ABCB5: variants seen among roughly 807,000 people sequenced by gnomAD.
ABCB5 encodes the protein ATP-binding cassette sub-family B member 5.
Under a neutral mutation model 144.2 loss-of-function variants are expected in ABCB5, and 155 were observed. The observed-to-expected ratio is 1.08, with a 90% CI of 0.94 to 1.23. The LOEUF is 1.23. Ranked by LOEUF, ABCB5 falls within the 50% of genes most tolerant of loss-of-function variation. The probability of loss-of-function intolerance (pLI) is 0.00; values close to 1 mark genes in which losing one functional copy is unlikely to be tolerated. For missense variants in ABCB5, 1,830 were observed against 1,520.8 expected, an observed-to-expected ratio of 1.20 and a Z score of -3.38; for synonymous variants, 610 against 528.6, an observed-to-expected ratio of 1.15 and a Z score of -2.11.
intron 14 of ABCB5, among the ~76,000 whole-genome samples, chr7:20,663,303 A>T (rs1302627337): frequency 6.6e-6 from 1 of 152,250 alleles, no homozygotes; most frequent in African/African-American, 2.4e-5. Flanking sequence ...TAGTGTTCAT[A>T]GTAGCATCAT....
intron 5 of ABCB5, among the ~76,000 whole-genome samples, chr7:20,633,069 C>CA (rs1234362312): frequency 7.4e-6 from 1 of 135,426 alleles, no homozygotes; most frequent in African/African-American, 3.1e-5. Flanking sequence ...CATTAAAAAT[C>CA]AACAAATAGT....
In ABCB5 at chr7:20,632,097, AATG is replaced by A. The variant is rs774378024; in HGVS notation, c.300_302del (p.Asn100_Glu101delinsLys). ...CTGTACTCAGTCTCAAGAGAAGCTG[AATG>A]AAGATATGACTCTGTAAGTCCAAAT... On this transcript the variant is annotated inframe_deletion, in exon 5 of 28. Coordinates refer to ENST00000404938, the MANE Select transcript of ABCB5 (RefSeq NM_001163941.2). The A allele has an allele frequency of 1.3e-5, 20 of 1,528,846 alleles. No homozygotes were observed. The South Asian group carries it at 2.5e-4, about 19-fold the overall frequency. The allele number at this position is 1,528,846 out of a possible 1,614,324, so 94.7% of individuals were successfully genotyped here. A position where few individuals can be genotyped will look rare whatever the true frequency, so the allele number is the denominator to read the frequency against.
chr7:20,647,112 T>C (rs1330449113), intron 9 of ABCB5, among the ~76,000 whole-genome samples: 2 of 152,202 alleles, frequency 1.3e-5, no homozygotes, highest in Non-Finnish European at 2.9e-5. Context: ...AACAGTACAA[T>C]GTCTCTGAGC....
chr7:20,717,367 T>A (rs1328463043), intron 20 of ABCB5, among the ~76,000 whole-genome samples: 2 of 152,004 alleles, frequency 1.3e-5, no homozygotes, highest in Non-Finnish European at 2.9e-5. Flanking sequence ...TGGCTTGTAG[T>A]TGGCTGTCTT....
At chr7:20,733,637 TTTTC>T (rs1254912865) in intron 23 of ABCB5, among the ~76,000 whole-genome samples, 30 of 151,028 alleles carry the variant, frequency 2.0e-4, no homozygotes, top group Non-Finnish European at 1.2e-4. Flanking sequence ...TTTTCTTTTC[TTTTC>T]TTTTTTTTTT....
intron 3 of ABCB5, 23 bp downstream of exon 3, chr7:20,626,634 T>C: frequency 6.3e-7 from 1 of 1,583,684 alleles, no homozygotes; most frequent in South Asian, 1.2e-5. Flanking sequence ...AGTTAGAAAG[T>C]ACATGCATTA....
At chr7:20,673,535 T>G (rs577542165) in intron 14 of ABCB5, among the ~76,000 whole-genome samples, 1 of 152,028 alleles carries the variant, frequency 6.6e-6, no homozygotes, top group African/African-American at 2.4e-5. Context: ...TTTGGTTATA[T>G]CCTTTTCACT....
intron 13 of ABCB5, among the ~76,000 whole-genome samples, chr7:20,654,161 G>A (rs1358753139): frequency 1.3e-5 from 2 of 151,896 alleles, no homozygotes; most frequent in Admixed American, 1.3e-4. Flanking sequence ...TTGCCTACTA[G>A]AGACAAAAAT....
chr7:20,707,251 A>C (rs1393558251), intron 20 of ABCB5, among the ~76,000 whole-genome samples: 1 of 152,176 alleles, frequency 6.6e-6, no homozygotes, highest in Admixed American at 6.5e-5. Context: ...GAAACCTTTA[A>C]CTCATGACTG....
chr7:20,647,954 T>C lies in ABCB5; in HGVS notation c.1096-14T>C, dbSNP rs1460190473. The C allele has an allele frequency of 6.7e-7, 1 of 1,488,966 alleles. No homozygotes were observed. Among genetic ancestry groups the C allele is most frequent in the Admixed American group, 1.7e-5 (1 of 59,112 alleles). 92.2% of individuals were successfully genotyped at this position (1,488,966 alleles called of 1,614,324 possible). On this transcript the variant is annotated splice_polypyrimidine_tract_variant and intron_variant, in intron 10 of 27. Coordinates refer to ENST00000404938, the MANE Select transcript of ABCB5 (RefSeq NM_001163941.2). Reference sequence around the variant, plus strand: ...TCCTTTGAAGATTTATAACATTTCCTTTGTTTTTCCAAGAAACCCAGTATA... The same window carrying C: ...TCCTTTGAAGATTTATAACATTTCCCTTGTTTTTCCAAGAAACCCAGTATA...
chr7:20,745,206 A>G, intron 25 of ABCB5, 26 bp from the exon 26 acceptor site: 1 of 1,610,448 alleles, frequency 6.2e-7, no homozygotes, highest in South Asian at 1.1e-5. Context: ...ATCTTAACAC[A>G]CCATTCTCCA....
At chr7:20,711,641 A>G (rs1298934301) in intron 20 of ABCB5, among the ~76,000 whole-genome samples, 1 of 147,988 alleles carries the variant, frequency 6.8e-6, no homozygotes, top group Non-Finnish European at 1.5e-5. Flanking sequence ...GTTTGTAGAT[A>G]CAGGGTTTCA....
In ABCB5 at chr7:20,643,620, A is replaced by G. The variant is rs1784343045; in HGVS notation, c.666A>G (p.Ala222=). 1.9e-6 allele frequency: 3 copies of G among 1,613,800 alleles called. No homozygotes were observed. Among genetic ancestry groups the G allele is most frequent in the East Asian group, 4.5e-5 (2 of 44,892 alleles). Residue 222 remains alanine (A), a synonymous_variant, in exon 7 of 28, where the codon GCA becomes GCG. Coordinates refer to ENST00000404938, the MANE Select transcript of ABCB5 (RefSeq NM_001163941.2). ...STSPLIMASA[A]ACSRMVISLT... ...CTCCTCTTATAATGGCTTCAGCGGCAGCATGTTCTAGGGTAAGTGAGATGG... is the reference window on the plus strand; with the variant it reads ...CTCCTCTTATAATGGCTTCAGCGGCGGCATGTTCTAGGGTAAGTGAGATGG...
intron 23 of ABCB5, among the ~76,000 whole-genome samples, chr7:20,733,280 C>T (rs1168085760): frequency 6.6e-6 from 1 of 151,968 alleles, no homozygotes; most frequent in African/African-American, 2.4e-5. Context: ...CTTAGTTTTT[C>T]AAACATTCGA....
intron 26 of ABCB5, among the ~76,000 whole-genome samples, chr7:20,749,836 G>A (rs1383578256): frequency 6.6e-6 from 1 of 152,130 alleles, no homozygotes; most frequent in African/African-American, 2.4e-5. Context: ...AGTAGTCAAG[G>A]CTTTAAAAGG....
intron 21 of ABCB5, among the ~76,000 whole-genome samples, chr7:20,725,679 A>G (rs1343203344): frequency 3.9e-5 from 6 of 152,190 alleles, no homozygotes; most frequent in African/African-American, 1.4e-4. Flanking sequence ...ATTGTGAAAA[A>G]TTGGAGATTT....
At chr7:20,680,116 GA>G (rs1169958027) in intron 14 of ABCB5, among the ~76,000 whole-genome samples, 1 of 152,184 alleles carries the variant, frequency 6.6e-6, no homozygotes, top group Non-Finnish European at 1.5e-5. Flanking sequence ...CCAAATGGAT[GA>G]ATCTCAAAAA....
intron 14 of ABCB5, among the ~76,000 whole-genome samples, chr7:20,681,037 T>TC (rs1785791422): frequency 1.9e-4 from 1 of 5,232 alleles, no homozygotes; most frequent in African/African-American, 7.6e-4. Flanking sequence ...TTTCTTTCTC[T>TC]TTCTTTCTTT....
At chr7:20,626,528 C>G (rs375221629) in intron 2 of ABCB5, 29 bp from the exon 3 acceptor site, 1 of 1,588,310 alleles carries the variant, frequency 6.3e-7, no homozygotes, top group South Asian at 1.2e-5. Flanking sequence ...CACATTGTAA[C>G]TGCTGCATTT....
Sources: gnomAD v4.1 joint callset for allele counts (sites outside exome capture counted in the v4.1 genomes callset) on GRCh38, gnomAD v4.1.1 for gene constraint, MANE v1.5 for transcripts, NCBI Gene and HGNC (gene_info 2026-07-23, HGNC 2026-07-21) for gene names.